ZBTB20: variants seen among roughly 807,000 people sequenced by gnomAD.
ZBTB20 encodes zinc finger and BTB domain containing 20.
Under a neutral mutation model 56.9 loss-of-function variants are expected in ZBTB20, and 9 were observed. That is an observed-to-expected ratio of 0.16 (90% CI 0.10 to 0.28). The LOEUF (loss-of-function observed/expected upper bound fraction) is 0.28. Among genes scored for constraint, ZBTB20 ranks in the 10% least tolerant of loss-of-function variants. The pLI, the probability that ZBTB20 is intolerant of heterozygous loss-of-function variation, is 1.00. For synonymous variants in ZBTB20, 417 were observed against 420.7 expected (o/e 0.99, Z 0.11); for missense variants, 655 against 1,003.0 (o/e 0.65, Z 4.69).
chr3:114,590,143 C>A (rs1388751441), intron 6 of ZBTB20, among the ~76,000 whole-genome samples: 1 of 152,112 alleles, frequency 6.6e-6, no homozygotes, highest in Non-Finnish European at 1.5e-5. Flanking sequence ...GCTTTAATCG[C>A]TTTCTTCACA....
chr3:114,887,543 G>A (rs951997032), intron 4 of ZBTB20, among the ~76,000 whole-genome samples: 2 of 152,160 alleles, frequency 1.3e-5, no homozygotes, highest in Non-Finnish European at 2.9e-5. Flanking sequence ...ATACAGAGGG[G>A]AAGGTGCTGT....
At chr3:114,803,503 T>C (rs773710304) in intron 4 of ZBTB20, among the ~76,000 whole-genome samples, 18 of 151,642 alleles carry the variant, frequency 1.2e-4, no homozygotes, top group Non-Finnish European at 2.2e-4. Context: ...AAAAATATAG[T>C]CGCCAACTCA....
intron 5 of ZBTB20, among the ~76,000 whole-genome samples, chr3:114,787,442 C>A (rs1276404354): frequency 2.0e-5 from 3 of 148,160 alleles, no homozygotes; most frequent in Admixed American, 6.8e-5. Context: ...CGTATATACA[C>A]ATATATATAC....
intron 6 of ZBTB20, among the ~76,000 whole-genome samples, chr3:114,610,292 C>A (rs995816259): frequency 3.3e-5 from 5 of 152,220 alleles, no homozygotes; most frequent in Admixed American, 2.6e-4. Flanking sequence ...ATAACAAATG[C>A]ACCCACTAAT....
At chr3:114,883,916 C>CTTTTTTTTTT (rs869141975) in intron 4 of ZBTB20, among the ~76,000 whole-genome samples, 2 of 89,772 alleles carry the variant, frequency 2.2e-5, no homozygotes, top group Non-Finnish European at 4.3e-5. Context: ...ATGGTGTGTT[C>CTTTTTTTTTT]TTTTTTTTTT....
intron 5 of ZBTB20, among the ~76,000 whole-genome samples, chr3:114,712,098 C>A (rs759231880): frequency 6.6e-6 from 1 of 152,106 alleles, no homozygotes; most frequent in African/African-American, 2.4e-5. Flanking sequence ...GCCAGTATGA[C>A]GTGATTATCA....
intron 3 of ZBTB20, among the ~76,000 whole-genome samples, chr3:114,965,609 C>T (rs1038056457): frequency 1.2e-4 from 18 of 152,068 alleles, no homozygotes; most frequent in African/African-American, 4.3e-4. Context: ...CAAATAACAG[C>T]ATTTTCTTTT....
At chr3:114,795,501 G>T (rs948322706) in intron 5 of ZBTB20, among the ~76,000 whole-genome samples, 2 of 152,030 alleles carry the variant, frequency 1.3e-5, no homozygotes, top group African/African-American at 4.8e-5. Flanking sequence ...TTTGAATACA[G>T]GATTTTGTAT....
intron 6 of ZBTB20, among the ~76,000 whole-genome samples, chr3:114,525,159 T>G (rs2047074663): frequency 6.6e-6 from 1 of 151,696 alleles, no homozygotes; most frequent in Non-Finnish European, 1.5e-5. Flanking sequence ...TTTGCTTTTT[T>G]TGTTGGGGGG....
chr3:115,083,957 C>T (rs1212491084), intron 1 of ZBTB20, among the ~76,000 whole-genome samples: 2 of 151,892 alleles, frequency 1.3e-5, no homozygotes, highest in Non-Finnish European at 1.5e-5. Flanking sequence ...TAGTATTATT[C>T]AACATGCTCA....
intron 7 of ZBTB20, among the ~76,000 whole-genome samples, chr3:114,440,583 T>G (rs1052883385): frequency 1.3e-5 from 2 of 152,188 alleles, no homozygotes; most frequent in African/African-American, 4.8e-5. Context: ...TTCATGGGCT[T>G]TGATGGGTTT....
chr3:114,844,520 C>CAAAAAAAAA (rs71146342), intron 4 of ZBTB20, among the ~76,000 whole-genome samples: 753 of 22,794 alleles, frequency 0.033, 314 homozygotes, highest in East Asian at 0.075. Flanking sequence ...GTCCCTGTCT[C>CAAAAAAAAA]AAAAAAAAAA....
rs573205622 is a variant in ZBTB20 at position 115,120,474 on chromosome 3, T to A, written c.-703+26745A>T. Among the ~76,000 whole-genome samples the A allele has an allele frequency of 8.9e-4, 135 of 151,846 alleles. 1 individual carries two copies. The highest frequency in any genetic ancestry group is 2.6e-3 in the African/African-American group (109 of 41,426). ...TAAGTAAAAAATTAACAGAAAAAAA[T>A]TTTTTGAGTCAATAGGAGTTATTTT... On this transcript the variant is annotated intron_variant, in intron 1 of 11. Coordinates refer to ENST00000675478, the MANE Select transcript of ZBTB20 (RefSeq NM_001348800.3).
chr3:114,632,344 C>T (rs1045882048), intron 6 of ZBTB20, among the ~76,000 whole-genome samples: 3 of 152,180 alleles, frequency 2.0e-5, no homozygotes, highest in African/African-American at 7.2e-5. Flanking sequence ...TCTCCTCCAA[C>T]ACACATGCAC....
At chr3:114,736,972 G>A (rs1023757350) in intron 5 of ZBTB20, among the ~76,000 whole-genome samples, 6 of 152,114 alleles carry the variant, frequency 3.9e-5, no homozygotes, top group Non-Finnish European at 5.9e-5. Flanking sequence ...AATCTTTACC[G>A]AGTTTGATTT....
rs1459877613 is a variant in ZBTB20, at chr3:114,338,611, T to C, written c.*394A>G. The C allele has an allele frequency of 6.4e-6, 1 of 157,312 alleles. No homozygotes were observed. Among genetic ancestry groups the C allele is most frequent in the Non-Finnish European group, 1.4e-5 (1 of 71,530 alleles). 9.7% of individuals were successfully genotyped at this position (157,312 alleles called of 1,614,324 possible). A position where few individuals can be genotyped will look rare whatever the true frequency, so the allele number is the denominator to read the frequency against. On this transcript the variant is annotated 3_prime_UTR_variant, in exon 12 of 12. Coordinates refer to ENST00000675478, the MANE Select transcript of ZBTB20 (RefSeq NM_001348800.3). Reference sequence around the variant, plus strand: ...ACTTAAAGACAGTAGGCCTTTTAGATTTTGTTATATATTTTTTGTAGTGCT... The same window carrying C: ...ACTTAAAGACAGTAGGCCTTTTAGACTTTGTTATATATTTTTTGTAGTGCT...
intron 10 of ZBTB20, among the ~76,000 whole-genome samples, chr3:114,362,855 T>C (rs1456773558): frequency 6.6e-6 from 1 of 152,186 alleles, no homozygotes; most frequent in African/African-American, 2.4e-5. Flanking sequence ...TTTGCCTATG[T>C]TAGGGAAGCT....
chr3:114,707,874 T>A (rs1418645251), intron 5 of ZBTB20, among the ~76,000 whole-genome samples: 1 of 152,172 alleles, frequency 6.6e-6, no homozygotes, highest in Non-Finnish European at 1.5e-5. Context: ...GCTGGCACCA[T>A]ATAACTTAAT....
At chr3:115,019,896 G>C (rs187232756) in intron 2 of ZBTB20, among the ~76,000 whole-genome samples, 1 of 151,300 alleles carries the variant, frequency 6.6e-6, no homozygotes, top group Non-Finnish European at 1.5e-5. Flanking sequence ...CAAATGCAGA[G>C]AAAAGTTAGA....
Sources: allele counts gnomAD v4.1 joint callset (sites outside exome capture counted in the v4.1 genomes callset), GRCh38; gene constraint gnomAD v4.1.1; transcripts MANE v1.5; gene names NCBI Gene and HGNC (gene_info 2026-07-23, HGNC 2026-07-21).